The following FAM241A variants were observed in gnomAD, a reference collection of about 807,000 sequenced individuals.
The protein encoded by FAM241A is uncharacterized protein FAM241A.
A neutral mutation model predicts 12.2 loss-of-function variants in FAM241A; 7 were observed. The observed-to-expected ratio is 0.58, with a 90% CI of 0.33 to 1.08. FAM241A has a LOEUF of 1.08. Among genes scored for constraint, FAM241A ranks in the 50% least tolerant of loss-of-function variants. FAM241A has a pLI of 0.04. For missense variants in FAM241A, 161 were observed against 169.7 expected, an observed-to-expected ratio of 0.95 and a Z score of 0.29; for synonymous variants, 74 against 68.2, an observed-to-expected ratio of 1.08 and a Z score of -0.42.
At chr4:112,161,911 T>C (rs1223577614) in intron 1 of FAM241A, among the ~76,000 whole-genome samples, 2 of 152,142 alleles carry the variant, frequency 1.3e-5, no homozygotes, top group Non-Finnish European at 1.5e-5. Flanking sequence ...AAATCTTCAA[T>C]AAAATACTGG....
chr4:112,149,695 A>G (rs1330292808), intron 1 of FAM241A, among the ~76,000 whole-genome samples: 1 of 152,238 alleles, frequency 6.6e-6, no homozygotes, highest in East Asian at 1.9e-4. Context: ...GCAATGAACA[A>G]TATAGTTTAT....
At chr4:112,175,489 C>T (rs936156112) in intron 1 of FAM241A, among the ~76,000 whole-genome samples, 7 of 152,000 alleles carry the variant, frequency 4.6e-5, no homozygotes, top group Admixed American at 3.9e-4. Flanking sequence ...AATGTTCAGC[C>T]GGGTGTGGTG....
At chr4:112,153,886 A>C (rs1578369731) in intron 1 of FAM241A, among the ~76,000 whole-genome samples, 1 of 152,222 alleles carries the variant, frequency 6.6e-6, no homozygotes, top group Admixed American at 6.5e-5. Flanking sequence ...AAGAAAGTTA[A>C]ATTCCCATTG....
chr4:112,162,114 T>G (rs1723484669), intron 1 of FAM241A, among the ~76,000 whole-genome samples: 1 of 152,194 alleles, frequency 6.6e-6, no homozygotes, highest in Admixed American at 6.5e-5. Flanking sequence ...CAACAACCCT[T>G]CATGCTAAAA....
At chr4:112,145,862 G>A (rs540450157) in intron 1 of FAM241A, 129 bp downstream of exon 1, 1 of 486,756 alleles carries the variant, frequency 2.1e-6, no homozygotes, top group Non-Finnish European at 2.8e-6. Context: ...CTGGCTCCCC[G>A]GCGCTCTGGG....
intron 1 of FAM241A, among the ~76,000 whole-genome samples, chr4:112,174,628 A>G (rs1723784862): frequency 6.6e-6 from 1 of 152,214 alleles, no homozygotes. Context: ...CAGAAGTTTT[A>G]AAGAGAGAAC....
chr4:112,172,315 G>A (rs1723739842), intron 1 of FAM241A, among the ~76,000 whole-genome samples: 1 of 152,168 alleles, frequency 6.6e-6, no homozygotes, highest in African/African-American at 2.4e-5. Context: ...TCTACATAGG[G>A]ATAACCTTTG....
chr4:112,169,218 A>G (rs1723667121), intron 1 of FAM241A, among the ~76,000 whole-genome samples: 1 of 152,188 alleles, frequency 6.6e-6, no homozygotes, highest in African/African-American at 2.4e-5. Context: ...AATGTTTTTA[A>G]GAATCAGTCC....
Position 112,191,559 on chromosome 4 carries a change from T to A in FAM241A, c.*4621T>A, listed in dbSNP as rs1724164746. On this transcript the variant is annotated 3_prime_UTR_variant, in exon 2 of 2. Transcript: ENST00000309733. ...TCCAGGATTCAACTATACTGAACTT[T>A]TCCCCAGTTCCTTTAAAGAGACATG... 1 of 152,288 alleles carries A rather than the reference T, an allele frequency of 6.6e-6. No homozygotes were observed. Among genetic ancestry groups the A allele is most frequent in the Non-Finnish European group, 1.5e-5 (1 of 68,086 alleles). 9.4% of individuals were successfully genotyped at this position (152,288 alleles called of 1,614,324 possible).
chr4:112,186,215 G>A (rs1039134994), intron 1 of FAM241A, among the ~76,000 whole-genome samples: 1 of 152,110 alleles, frequency 6.6e-6, no homozygotes, highest in Admixed American at 6.5e-5. Flanking sequence ...GGCATTTAGG[G>A]CATCTATATA....
In FAM241A at chr4:112,187,486, G is replaced by A. The variant is rs1724070262; in HGVS notation, c.*548G>A. On this transcript the variant is annotated 3_prime_UTR_variant, in exon 2 of 2. Coordinates refer to ENST00000309733, the MANE Select transcript of FAM241A (RefSeq NM_152400.3). ...TTAGCATACACTACCTTAATATTGT[G>A]ATGAAAATCAGTAAAGATAGAACGT... 6.6e-6 allele frequency: 1 copy of A among 152,478 alleles called. No homozygotes were observed. The highest frequency in any genetic ancestry group is 2.4e-5 in the African/African-American group (1 of 41,388). 9.4% of individuals were successfully genotyped at this position (152,478 alleles called of 1,614,324 possible).
chr4:112,179,935 A>ATATATATATATATATATATATATATG (rs1553921430), intron 1 of FAM241A, among the ~76,000 whole-genome samples: 1 of 127,960 alleles, frequency 7.8e-6, no homozygotes, highest in African/African-American at 2.8e-5. Flanking sequence ...ATATATATAT[A>ATATATATATATATATATATATATATG]TATGTATATG....
chr4:112,178,989 G>T (rs989173045), intron 1 of FAM241A, among the ~76,000 whole-genome samples: 1 of 152,326 alleles, frequency 6.6e-6, no homozygotes, highest in Admixed American at 6.5e-5. Flanking sequence ...TGGCGAGGCT[G>T]TGGAGAAAAG....
intron 1 of FAM241A, among the ~76,000 whole-genome samples, chr4:112,165,772 C>T (rs1020285366): frequency 4.0e-5 from 6 of 151,658 alleles, no homozygotes; most frequent in Non-Finnish European, 8.8e-5. Context: ...GGTAGTGGGG[C>T]GTGAGGGGGA....
chr4:112,171,595 C>T, intron 1 of FAM241A: 1 of 625,962 alleles, frequency 1.6e-6, no homozygotes, highest in Non-Finnish European at 2.9e-6. Context: ...TGCGGTGGCT[C>T]ACGCCTGTGA....
intron 1 of FAM241A, among the ~76,000 whole-genome samples, chr4:112,180,018 C>A: frequency 9.5e-5 from 1 of 10,562 alleles, no homozygotes; most frequent in African/African-American, 1.6e-3. Context: ...ACTGCACAGC[C>A]CTAAAAAAAA....
chr4:112,165,117 CAA>C (rs1723567491), intron 1 of FAM241A, among the ~76,000 whole-genome samples: 1 of 152,262 alleles, frequency 6.6e-6, no homozygotes, highest in Admixed American at 6.5e-5. Flanking sequence ...AAAACAAAAA[CAA>C]GACATACAAA....
At chr4:112,150,502 A>G (rs1486463774) in intron 1 of FAM241A, among the ~76,000 whole-genome samples, 3 of 152,222 alleles carry the variant, frequency 2.0e-5, no homozygotes, top group Non-Finnish European at 4.4e-5. Context: ...TCTCATTTCT[A>G]TTTCTTGCCT....
In FAM241A at chr4:112,193,803, T is replaced by A. The variant is rs1161268884; in HGVS notation, c.*6865T>A. The A allele has an allele frequency of 6.6e-6, 1 of 151,804 alleles. No homozygotes were observed. 9.4% of individuals were successfully genotyped at this position (151,804 alleles called of 1,614,324 possible). ...GCATGATGCCTCCAGCTTTGTTCTT[T>A]TGGCTTAGGATTGACTTGGCGATGC... is the stretch of plus-strand genomic sequence containing the variant. On this transcript the variant is annotated 3_prime_UTR_variant, in exon 2 of 2. Transcript: ENST00000309733.
Sources: gnomAD v4.1 joint callset for allele counts (sites outside exome capture counted in the v4.1 genomes callset) on GRCh38, gnomAD v4.1.1 for gene constraint, MANE v1.5 for transcripts, NCBI Gene and HGNC (gene_info 2026-07-23, HGNC 2026-07-21) for gene names.